Variants in KCTD14 observed in about 807,000 individuals in gnomAD.
The protein encoded by KCTD14 is potassium channel tetramerization domain containing 14.
In KCTD14, 7 loss-of-function variants were observed where a neutral mutation model predicts 5.9. The observed-to-expected ratio is 1.19, with a 90% CI of 0.68 to 2.23. KCTD14 has a LOEUF of 2.23. KCTD14 is among the 30% of genes most tolerant of loss of function. KCTD14 has a pLI of 0.00. For missense variants in KCTD14, 342 were observed against 332.2 expected (o/e 1.03, Z -0.23); for synonymous variants, 140 against 133.1 (o/e 1.05, Z -0.36).
chr11:78,041,175 C>T (rs777377825), intron 1 of KCTD14, among the ~76,000 whole-genome samples: 2 of 152,134 alleles, frequency 1.3e-5, no homozygotes, highest in African/African-American at 2.4e-5. Flanking sequence ...CTCACCAGGG[C>T]GGCACTGGCG....
At chr11:78,025,035 G>T (rs938855508), upstream of KCTD14, among the ~76,000 whole-genome samples, 4 of 136,878 alleles carry the variant, frequency 2.9e-5, no homozygotes, top group African/African-American at 8.3e-5. Context: ...TTAACTCCCC[G>T]TTATATATAT....
intron 2 of KCTD14, among the ~76,000 whole-genome samples, chr11:78,035,010 AT>A (rs1420608579): frequency 6.6e-6 from 1 of 152,174 alleles, no homozygotes; most frequent in East Asian, 1.9e-4. Flanking sequence ...TGAGAACCTG[AT>A]TGCCGGCTAT....
rs548994962 is a variant in KCTD14, at chr11:78,016,524, A to G, written c.*69T>C. On this transcript the variant is annotated 3_prime_UTR_variant, in exon 2 of 2. Transcript: ENST00000353172. ...CTGATGTTTGTGAAATTAAAAGAAA[A>G]TGGCTTTGATGGCAACTTTTAATTT... 8 of 1,365,458 alleles carry G rather than the reference A, an allele frequency of 5.9e-6. No homozygotes were observed. The highest frequency in any genetic ancestry group is 4.3e-5 in the Admixed American group (2 of 46,080). The allele number at this position is 1,365,458 out of a possible 1,614,324, so 84.6% of individuals were successfully genotyped here.
At chr11:78,020,428 C>A (rs766587852) in intron 1 of KCTD14, among the ~76,000 whole-genome samples, 28 of 152,212 alleles carry the variant, frequency 1.8e-4, no homozygotes, top group Non-Finnish European at 3.5e-4. Flanking sequence ...GACAGTTCTG[C>A]TGACTGGAAG....
chr11:78,023,521 T>TC (rs902690317), upstream of KCTD14: 3 of 432,394 alleles, frequency 6.9e-6, no homozygotes, highest in African/African-American at 2.1e-5. Flanking sequence ...TTTCTTTCTT[T>TC]TTTTTTTTTC....
At chr11:78,021,119 A>AT (rs1377445863) in intron 1 of KCTD14, among the ~76,000 whole-genome samples, 1 of 151,918 alleles carries the variant, frequency 6.6e-6, no homozygotes, top group Non-Finnish European at 1.5e-5. Context: ...CCTGGACAAC[A>AT]TGGCAAAACC....
exon 2 of KCTD14, chr11:78,038,703 AGCAGG>A (rs1333147345): frequency 6.5e-7 from 1 of 1,535,644 alleles, no homozygotes; most frequent in Non-Finnish European, 8.7e-7. Context: ...CAGCAAACAC[AGCAGG>A]GGTGTCAGAG....
exon 2 of KCTD14, chr11:78,038,711 T>C (rs763257572): frequency 6.5e-7 from 1 of 1,535,470 alleles, no homozygotes; most frequent in South Asian, 1.2e-5. Context: ...ACAGCAGGGG[T>C]GTCAGAGAGG....
chr11:78,023,552 T>C (rs1264749295), upstream of KCTD14: 14 of 342,788 alleles, frequency 4.1e-5, no homozygotes, highest in Non-Finnish European at 7.6e-5. Context: ...TCTCACTCTA[T>C]CGCTCAGGCT....
chr11:78,016,305 A>G lies in KCTD14; in HGVS notation c.*288T>C, dbSNP rs1286408103. ...GTCATCTCACATCTCTTGCCAACGC[A>G]TTGTTGAAACATTCTTACTTGGTCT... is the stretch of plus-strand genomic sequence containing the variant. On this transcript the variant is annotated 3_prime_UTR_variant, in exon 2 of 2. Coordinates refer to ENST00000353172, the MANE Select transcript of KCTD14 (RefSeq NM_023930.4). The G allele has an allele frequency of 4.5e-6, 2 of 448,476 alleles. No homozygotes were observed. The highest frequency in any genetic ancestry group is 8.0e-6 in the Non-Finnish European group (2 of 250,078). 27.8% of individuals were successfully genotyped at this position (448,476 alleles called of 1,614,324 possible).
intron 1 of KCTD14, among the ~76,000 whole-genome samples, chr11:78,044,004 T>G (rs1032026262): frequency 1.3e-5 from 2 of 152,124 alleles, no homozygotes; most frequent in African/African-American, 4.8e-5. Flanking sequence ...CCACCTAGGA[T>G]TCCCCAGAAG....
At chr11:78,040,552 G>A (rs1391494493) in intron 1 of KCTD14, among the ~76,000 whole-genome samples, 2 of 133,662 alleles carry the variant, frequency 1.5e-5, no homozygotes, top group Non-Finnish European at 3.6e-5. Context: ...TCTTTTCTCT[G>A]TCTCTTCGGT....
At chr11:78,020,616 T>C (rs947947144) in intron 1 of KCTD14, among the ~76,000 whole-genome samples, 1 of 152,234 alleles carries the variant, frequency 6.6e-6, no homozygotes, top group African/African-American at 2.4e-5. Context: ...CTGCAGAGTT[T>C]AACCCTTGAA....
chr11:78,022,202 A>G (rs141180288), intron 1 of KCTD14, among the ~76,000 whole-genome samples: 280 of 152,256 alleles, frequency 1.8e-3, no homozygotes, highest in Middle Eastern at 3.4e-3. Context: ...TGAGCCTAAG[A>G]GTTTGAGACC....
intron 2 of KCTD14, among the ~76,000 whole-genome samples, chr11:78,028,484 T>A (rs1217717754): frequency 6.6e-6 from 1 of 151,686 alleles, no homozygotes; most frequent in African/African-American, 2.4e-5. Flanking sequence ...GCGCCTATAG[T>A]CCCAGCTACT....
intron 1 of KCTD14, among the ~76,000 whole-genome samples, chr11:78,019,674 A>ATT (rs1174711020): frequency 6.6e-6 from 1 of 152,194 alleles, no homozygotes; most frequent in South Asian, 2.1e-4. Flanking sequence ...GACTTAAATA[A>ATT]TAACGGGAAC....
chr11:78,015,822 A>G lies in KCTD14; in HGVS notation c.*771T>C, dbSNP rs770932934. On this transcript the variant is annotated 3_prime_UTR_variant, in exon 2 of 2. Coordinates refer to ENST00000353172, the MANE Select transcript of KCTD14 (RefSeq NM_023930.4). Reference sequence around the variant, plus strand: ...AGTAAGAATGTGCTCTCAGAAGAAGACTGACTTCAGCTTGATTCCATGAGG... The same window carrying G: ...AGTAAGAATGTGCTCTCAGAAGAAGGCTGACTTCAGCTTGATTCCATGAGG... 2.0e-5 allele frequency: 3 copies of G among 152,162 alleles called. No individual in the cohort carries two copies. Among genetic ancestry groups the G allele is most frequent in the African/African-American group, 7.2e-5 (3 of 41,414 alleles). 9.4% of individuals were successfully genotyped at this position (152,162 alleles called of 1,614,324 possible). A position where few individuals can be genotyped will look rare whatever the true frequency, so the allele number is the denominator to read the frequency against.
At chr11:78,026,760 T>A (rs1043459061), upstream of KCTD14, among the ~76,000 whole-genome samples, 11 of 151,890 alleles carry the variant, frequency 7.2e-5, no homozygotes, top group Non-Finnish European at 1.6e-4. Context: ...TGGAATGAGA[T>A]CCTGTCTCAA....
intron 1 of KCTD14, among the ~76,000 whole-genome samples, chr11:78,041,650 A>AT: frequency 6.6e-6 from 1 of 152,292 alleles, no homozygotes; most frequent in East Asian, 1.9e-4. Flanking sequence ...AAATCTTGCA[A>AT]CTGCACTCTT....
Sources: gnomAD v4.1 joint callset for allele counts (sites outside exome capture counted in the v4.1 genomes callset) on GRCh38, gnomAD v4.1.1 for gene constraint, MANE v1.5 for transcripts, NCBI Gene and HGNC (gene_info 2026-07-23, HGNC 2026-07-21) for gene names.